DNAH11: variants seen among roughly 807,000 people sequenced by gnomAD.
DNAH11 encodes dynein axonemal heavy chain 11.
In DNAH11, 442 loss-of-function variants were observed where a neutral mutation model predicts 526.0. The ratio of observed to expected loss-of-function variants is 0.84; its 90% confidence interval spans 0.78 to 0.91. The LOEUF is 0.91. DNAH11 is among the 40% of genes least tolerant of loss of function. The probability of loss-of-function intolerance (pLI) is 0.00; values close to 1 mark genes in which losing one functional copy is unlikely to be tolerated. For synonymous variants in DNAH11, 2,461 were observed against 1,935.9 expected (o/e 1.27, Z -7.12); for missense variants, 6,989 against 5,448.7 (o/e 1.28, Z -8.90).
At chr7:21,690,201 A>G (rs1783554087) in intron 34 of DNAH11, among the ~76,000 whole-genome samples, 1 of 152,328 alleles carries the variant, frequency 6.6e-6, no homozygotes, top group South Asian at 2.1e-4. Context: ...ACATAGGATA[A>G]TTAACTTGCC....
intron 54 of DNAH11, among the ~76,000 whole-genome samples, chr7:21,751,529 G>A (rs1056308580): frequency 6.6e-6 from 1 of 152,088 alleles, no homozygotes; most frequent in Non-Finnish European, 1.5e-5. Flanking sequence ...GAAAATTCAG[G>A]CTTTCTAGTA....
chr7:21,882,575 C>T (rs1027859768), intron 75 of DNAH11, among the ~76,000 whole-genome samples: 2 of 152,160 alleles, frequency 1.3e-5, no homozygotes, highest in African/African-American at 4.8e-5. Flanking sequence ...TCGGGCGGAT[C>T]GCTTGAGTCC....
chr7:21,703,867 T>G (rs1784155038), intron 37 of DNAH11: 1 of 152,206 alleles, frequency 6.6e-6, no homozygotes, highest in African/African-American at 2.4e-5. Flanking sequence ...TCCTCTTAAT[T>G]TCCTCGTAAT....
chr7:21,900,117 G>GAGGGTAAGA lies in DNAH11; in HGVS notation c.13301_13303+6dup. On this transcript the variant is annotated inframe_insertion, in exon 81 of 82. Transcript: ENST00000409508. ...TGCATACCTCCACGGACTCTTCATG[G>GAGGGTAAGA]AGGGTAAGACACCCCAAGGGGTAAG... 3.1e-6 allele frequency: 5 copies of GAGGGTAAGA among 1,612,614 alleles called. No homozygotes were observed. The highest frequency in any genetic ancestry group is 4.2e-6 in the Non-Finnish European group (5 of 1,179,148).
At chr7:21,800,618 A>G (rs1356762188) in intron 61 of DNAH11, among the ~76,000 whole-genome samples, 6 of 152,082 alleles carry the variant, frequency 3.9e-5, no homozygotes, top group South Asian at 4.1e-4. Context: ...GCAACAGAGC[A>G]ATACTCATTC....
intron 61 of DNAH11, among the ~76,000 whole-genome samples, chr7:21,797,804 A>G (rs1238779341): frequency 1.3e-5 from 2 of 152,186 alleles, no homozygotes; most frequent in Admixed American, 6.5e-5. Flanking sequence ...AACATTTGCC[A>G]TTAAGTTACG....
In DNAH11 at chr7:21,765,596, C is replaced by T. The variant is rs749697836; in HGVS notation, c.9102+7C>T. ...GGAAACCAAGGGAATTGAGGTATGC[C>T]GTGTCAGCCTGCGTCACACACACAC... On this transcript the variant is annotated splice_region_variant and intron_variant, in intron 55 of 81. Coordinates refer to ENST00000409508, the MANE Select transcript of DNAH11 (RefSeq NM_001277115.2). 9.6e-6 allele frequency: 13 copies of T among 1,356,174 alleles called. No homozygotes were observed. The highest frequency in any genetic ancestry group is 2.4e-5 in the South Asian group (2 of 83,916). 84.0% of individuals were successfully genotyped at this position (1,356,174 alleles called of 1,614,324 possible).
At chr7:21,772,617 G>A (rs1384627298) in intron 55 of DNAH11, among the ~76,000 whole-genome samples, 1 of 151,790 alleles carries the variant, frequency 6.6e-6, no homozygotes, top group African/African-American at 2.4e-5. Flanking sequence ...TTGTATCTGG[G>A]GTCCACTAGA....
At chr7:21,855,311 G>A (rs975172219) in intron 68 of DNAH11, among the ~76,000 whole-genome samples, 12 of 152,122 alleles carry the variant, frequency 7.9e-5, no homozygotes, top group African/African-American at 2.2e-4. Context: ...GATTACAGGC[G>A]TGAGCCACCG....
chr7:21,703,690 C>G (rs1261055264), intron 37 of DNAH11: 2 of 151,962 alleles, frequency 1.3e-5, no homozygotes, highest in East Asian at 1.9e-4. Context: ...GGTGGGGACA[C>G]AAATCCAAAC....
intron 76 of DNAH11, among the ~76,000 whole-genome samples, chr7:21,886,377 C>G (rs965869591): frequency 1.3e-5 from 2 of 152,108 alleles, no homozygotes; most frequent in African/African-American, 4.8e-5. Context: ...TCTTTTGTTA[C>G]TACTTTTAAT....
intron 72 of DNAH11, 43 bp from the exon 73 acceptor site, chr7:21,868,821 C>G: frequency 1.9e-6 from 3 of 1,612,796 alleles, no homozygotes; most frequent in Non-Finnish European, 2.5e-6. Flanking sequence ...CTCTCACCCT[C>G]CTTCATAGAC....
At chr7:21,599,164 G>A (rs1441234565) in intron 14 of DNAH11, among the ~76,000 whole-genome samples, 1 of 152,200 alleles carries the variant, frequency 6.6e-6, no homozygotes, top group African/African-American at 2.4e-5. Flanking sequence ...TTTCCACACT[G>A]TCTTCCACAG....
Position 21,590,928 on chromosome 7 carries a change from T to C in DNAH11, c.2180T>C (p.Val727Ala). 6.8e-7 allele frequency: 1 copy of C among 1,472,382 alleles called. No homozygotes were observed. Among genetic ancestry groups the C allele is most frequent in the South Asian group, 1.6e-5 (1 of 63,352 alleles). The allele number at this position is 1,472,382 out of a possible 1,614,324, so 91.2% of individuals were successfully genotyped here. A position where few individuals can be genotyped will look rare whatever the true frequency, so the allele number is the denominator to read the frequency against. ...CVNFDPKLVA[V>A]LREVKYLLML... ...ATTGTATTTTAATAGCTAGTGGCTG[T>C]ATTGAGAGAAGTGAAATATCTTTTG... Residue 727 changes from valine (V) to alanine (A), a missense_variant, in exon 13 of 82, where the codon GTA becomes GCA. By Grantham distance (64) the Val-to-Ala change is moderately conservative (BLOSUM62 0). Coordinates refer to ENST00000409508, the MANE Select transcript of DNAH11 (RefSeq NM_001277115.2).
intron 61 of DNAH11, among the ~76,000 whole-genome samples, chr7:21,800,659 G>T (rs972975559): frequency 6.6e-6 from 1 of 152,038 alleles, no homozygotes; most frequent in East Asian, 1.9e-4. Context: ...AATCCGATTG[G>T]CGAAGCTGGG....
chr7:21,637,562 A>G (rs763538079), intron 26 of DNAH11, 49 bp from the exon 27 acceptor site: 1 of 1,204,116 alleles, frequency 8.3e-7, no homozygotes, highest in South Asian at 1.3e-5. Flanking sequence ...TTAAAAGTTT[A>G]GAAAAGATTG....
At chr7:21,608,729 C>T (rs1197569382) in intron 20 of DNAH11, among the ~76,000 whole-genome samples, 1 of 152,174 alleles carries the variant, frequency 6.6e-6, no homozygotes, top group African/African-American at 2.4e-5. Flanking sequence ...AACGTTTTTA[C>T]TTGACTAACC....
At chr7:21,654,023 C>T (rs1272910015) in intron 28 of DNAH11, among the ~76,000 whole-genome samples, 2 of 152,158 alleles carry the variant, frequency 1.3e-5, no homozygotes, top group African/African-American at 4.8e-5. Context: ...CGCCTGTATG[C>T]TTGGAAATGT....
chr7:21,757,138 C>G (rs771036614), intron 54 of DNAH11, among the ~76,000 whole-genome samples: 3 of 152,138 alleles, frequency 2.0e-5, no homozygotes, highest in African/African-American at 4.8e-5. Context: ...GCATTTTGTT[C>G]TTTAGAGTTT....
Sources: allele counts gnomAD v4.1 joint callset (sites outside exome capture counted in the v4.1 genomes callset), GRCh38; gene constraint gnomAD v4.1.1; transcripts MANE v1.5; gene names NCBI Gene and HGNC (gene_info 2026-07-23, HGNC 2026-07-21).